The following TATDN2 variants were observed in gnomAD, a reference collection of about 807,000 sequenced individuals.
TATDN2 encodes the protein 3'-5' RNA nuclease TATDN2.
Under a neutral mutation model 60.3 loss-of-function variants are expected in TATDN2, and 44 were observed. The ratio of observed to expected loss-of-function variants is 0.73; its 90% CI spans 0.57 to 0.94. The LOEUF (loss-of-function observed/expected upper bound fraction) is 0.94. Among genes scored for constraint, TATDN2 ranks in the 40% least tolerant of loss-of-function variants. The pLI is 0.00. For missense variants in TATDN2, 997 were observed against 948.0 expected (o/e 1.05, Z -0.68); for synonymous variants, 399 against 355.8 (o/e 1.12, Z -1.37).
At chr3:10,261,094 G>A (rs1698395308) in intron 3 of TATDN2, among the ~76,000 whole-genome samples, 1 of 152,182 alleles carries the variant, frequency 6.6e-6, no homozygotes, top group South Asian at 2.1e-4. Context: ...TTTGTTATCT[G>A]GGCATTCTGG....
intron 2 of TATDN2, among the ~76,000 whole-genome samples, chr3:10,257,132 AT>A (rs1309363132): frequency 6.8e-6 from 1 of 146,378 alleles, no homozygotes; most frequent in Non-Finnish European, 1.5e-5. Context: ...CCAAAAAAAA[AT>A]TAGCCAGGTG....
rs748472416 is a variant in TATDN2 at position 10,260,439 on chromosome 3, G to A, written c.717G>A (p.Arg239=). ...GPAKTAEGAA[R]SVTVTAAQKE... The stretch of plus-strand genomic sequence containing the variant: ...CCAAGACTGCAGAAGGAGCAGCCAG[G>A]AGTGTCACAGTCACTGCTGCTCAGA... Residue 239 remains arginine, a synonymous_variant, in exon 3 of 8, where the codon AGG becomes AGA. Transcript: ENST00000448281. The A allele has an allele frequency of 1.5e-5, 24 of 1,614,150 alleles. No individual in the cohort carries two copies. Among genetic ancestry groups the A allele is most frequent in the Non-Finnish European group, 2.0e-5 (24 of 1,179,994 alleles).
intron 3 of TATDN2, among the ~76,000 whole-genome samples, chr3:10,268,840 C>G (rs894619147): frequency 3.9e-5 from 6 of 152,200 alleles, no homozygotes; most frequent in Non-Finnish European, 1.5e-5. Context: ...AATTCCTGAT[C>G]TCGTGGCGCT....
rs1465029576 is a variant in TATDN2 at position 10,278,954 on chromosome 3, G to T, written c.2215G>T (p.Val739Phe). ...ALHTVREIAR[V>F]KDQPLSLTLA... is the part of the protein sequence containing the mutation. ...GCATACGGTCCGAGAGATTGCCAGAGTCAAAGATCAGCCACTCTCCCTCAC... is the reference window on the plus strand; with the variant it reads ...GCATACGGTCCGAGAGATTGCCAGATTCAAAGATCAGCCACTCTCCCTCAC... Residue 739 changes from valine to phenylalanine, a missense_variant, in exon 7 of 8, where the codon GTC (valine) becomes TTC (phenylalanine). Transcript: ENST00000448281. This position sits in a 1 kb window ranked among gnomAD's most constrained non-coding sequence, Gnocchi z 4.7. 6.2e-7 allele frequency: 1 copy of T among 1,614,066 alleles called. No individual in the cohort carries two copies. Among genetic ancestry groups the T allele is most frequent in the Non-Finnish European group, 8.5e-7 (1 of 1,179,994 alleles).
chr3:10,278,680 C>T lies in TATDN2; in HGVS notation c.2146-205C>T, dbSNP rs577271119. 6.0e-5 allele frequency: 59 copies of T among 984,422 alleles called. No homozygotes were observed. The African/African-American group carries it at 8.2e-4, about 14-fold the overall frequency. 61.0% of individuals were successfully genotyped at this position (984,422 alleles called of 1,614,324 possible). ...CTCTTCCAGGCAGTGCAAAGCCCTA[C>T]CCTGTAGAGGGTAGTCCAAGGAAGC... is the stretch of plus-strand genomic sequence containing the variant. On this transcript the variant is annotated intron_variant, in intron 6 of 7. Transcript: ENST00000448281. The surrounding 1 kb of genome is among the most constrained non-coding windows in gnomAD (Gnocchi z 4.7).
In TATDN2 at chr3:10,278,371, C is replaced by T. The variant is rs1698668711; in HGVS notation, c.2054C>T (p.Ser685Phe). 2 of 1,614,222 alleles carry T rather than the reference C, an allele frequency of 1.2e-6. No homozygotes were observed. The highest frequency in any genetic ancestry group is 1.3e-5 in the African/African-American group (1 of 75,062). The change falls in exon 6 of 8, where the codon TCC becomes TTC. Residue 685 changes from serine to phenylalanine, a missense_variant. Transcript: ENST00000448281. The surrounding 1 kb of genome is among the most constrained non-coding windows in gnomAD (Gnocchi z 4.7). ...SVGFTAVLTY[S>F]SAWEAREALR... ...GGCTTCACGGCAGTGCTGACATACT[C>T]CTCTGCCTGGGAGGCCCGGGAAGCC...
At chr3:10,262,946 G>T (rs1698427529) in intron 3 of TATDN2, among the ~76,000 whole-genome samples, 1 of 151,914 alleles carries the variant, frequency 6.6e-6, no homozygotes, top group Non-Finnish European at 1.5e-5. Context: ...TGTCACCCAG[G>T]TTGGAGTCCA....
intron 1 of TATDN2, 29 bp downstream of exon 1, chr3:10,249,096 C>T (rs1029623274): frequency 4.3e-6 from 6 of 1,402,902 alleles, no homozygotes; most frequent in South Asian, 1.5e-5. Context: ...TGGCTCTGCC[C>T]TTATGTCTTG....
chr3:10,265,181 A>G (rs536070026), intron 3 of TATDN2, among the ~76,000 whole-genome samples: 235 of 149,654 alleles, frequency 1.6e-3, no homozygotes, highest in African/African-American at 5.3e-3. Context: ...GGTTCAAGCA[A>G]TTCTCCTGTT....
intron 2 of TATDN2, among the ~76,000 whole-genome samples, chr3:10,254,642 C>T (rs1698278206): frequency 6.6e-6 from 1 of 152,136 alleles, no homozygotes; most frequent in Non-Finnish European, 1.5e-5. Flanking sequence ...TTTAGAGCTC[C>T]TCTGGCACGC....
chr3:10,266,153 A>G (rs1698472130), intron 3 of TATDN2, among the ~76,000 whole-genome samples: 3 of 152,206 alleles, frequency 2.0e-5, no homozygotes, highest in Non-Finnish European at 4.4e-5. Flanking sequence ...CTTTTCGGAT[A>G]TATTTCCTGT....
Position 10,279,312 on chromosome 3 carries a change from C to G in TATDN2, c.*130C>G. On this transcript the variant is annotated 3_prime_UTR_variant, in exon 8 of 8. Coordinates refer to ENST00000448281, the MANE Select transcript of TATDN2 (RefSeq NM_014760.4). ...AGAGAGCTGATTGGAACACAGAAAA[C>G]CAGGACAGGATGTTTTCCTCCAAGC... 3.5e-6 allele frequency: 1 copy of G among 286,906 alleles called. No homozygotes were observed. Among genetic ancestry groups the G allele is most frequent in the South Asian group, 4.7e-5 (1 of 21,192 alleles). 17.8% of individuals were successfully genotyped at this position (286,906 alleles called of 1,614,324 possible). A position where few individuals can be genotyped will look rare whatever the true frequency, so the allele number is the denominator to read the frequency against.
rs1350549629 is a variant in TATDN2, at chr3:10,279,047, G to A, written c.*22G>A. On this transcript the variant is annotated 3_prime_UTR_variant, in exon 7 of 8. Transcript: ENST00000448281. ...TTAAGCAGAGAAGGTACAGTCCTCG[G>A]GAGTCTCCTAGAAAAGGTCGTAAAA... is the stretch of plus-strand genomic sequence containing the variant. The A allele has an allele frequency of 2.5e-6, 4 of 1,609,730 alleles. No individual in the cohort carries two copies. The highest frequency in any genetic ancestry group is 2.5e-6 in the Non-Finnish European group (3 of 1,178,430).
At chr3:10,252,855 A>ATTTT (rs373138121) in intron 2 of TATDN2, among the ~76,000 whole-genome samples, 1 of 112,036 alleles carries the variant, frequency 8.9e-6, no homozygotes, top group Non-Finnish European at 1.8e-5. Flanking sequence ...TGCCTGGCTA[A>ATTTT]TTTTTTTTTT....
Position 10,270,404 on chromosome 3 carries a change from G to T in TATDN2, c.1222G>T (p.Val408Phe), listed in dbSNP as rs748161096. The change falls in exon 4 of 8, where the codon GTT (valine) becomes TTT (phenylalanine). Residue 408 changes from valine (V) to phenylalanine (F), a missense_variant. Coordinates refer to ENST00000448281, the MANE Select transcript of TATDN2 (RefSeq NM_014760.4). ...TGSSSNDAAQ[V>F]GKSSRSRMSD... ...CAGCAGCAGCAACGATGCAGCCCAG[G>T]TTGGGAAGAGCAGCCGGAGCCGCAT... The T allele has an allele frequency of 5.6e-6, 9 of 1,614,100 alleles. No homozygotes were observed. Among genetic ancestry groups the T allele is most frequent in the Middle Eastern group, 1.6e-4 (1 of 6,084 alleles).
In TATDN2 at chr3:10,271,797, ACCTCCG is replaced by A. The variant is rs143132221; in HGVS notation, c.1833+800_1833+805del. Among the ~76,000 whole-genome samples, 819 of 148,928 alleles carry A rather than the reference ACCTCCG, an allele frequency of 5.5e-3. 12 individuals carry two copies. Among genetic ancestry groups the A allele is most frequent in the South Asian group, 0.044 (209 of 4,700 alleles). On this transcript the variant is annotated intron_variant, in intron 4 of 7. Coordinates refer to ENST00000448281, the MANE Select transcript of TATDN2 (RefSeq NM_014760.4). ...ACGATCTCGGCTCACTGCGGCCTCC[ACCTCCG>A]CCTCCGCCTCCGCCTCCTGGGTTCA...
intron 2 of TATDN2, among the ~76,000 whole-genome samples, chr3:10,250,627 G>A (rs1479432792): frequency 1.3e-5 from 2 of 152,216 alleles, no homozygotes; most frequent in Non-Finnish European, 2.9e-5. Context: ...GTATTTGACT[G>A]TTTGTCTTGG....
At position 10,278,119 on chromosome 3, in the gene TATDN2, G is replaced by A. The variant is rs1042036665; in HGVS notation, c.1962-160G>A. 6.6e-6 allele frequency among the ~76,000 whole-genome samples: 1 copy of A among 152,034 alleles called. No individual in the cohort carries two copies. The highest frequency in any genetic ancestry group is 2.4e-5 in the African/African-American group (1 of 41,404). ...CAAGTGCCATCTCGGGGCTTCCTGT[G>A]TTGGAGCCAGCCCTTGTCTGTGTTT... On this transcript the variant is annotated intron_variant, in intron 5 of 7. Coordinates refer to ENST00000448281, the MANE Select transcript of TATDN2 (RefSeq NM_014760.4). This position sits in a 1 kb window ranked among gnomAD's most constrained non-coding sequence, Gnocchi z 4.7.
chr3:10,249,174 C>T lies in TATDN2; in HGVS notation c.-6-21C>T, dbSNP rs1366213163. On this transcript the variant is annotated intron_variant, in intron 1 of 7. Coordinates refer to ENST00000448281, the MANE Select transcript of TATDN2 (RefSeq NM_014760.4). The stretch of plus-strand genomic sequence containing the variant: ...CGCCAGGAAGGGTGGTGTTGGAATC[C>T]AGGCCCCCTGTACCTTGCAGGTGCC... 4 of 1,487,458 alleles carry T rather than the reference C, an allele frequency of 2.7e-6. No homozygotes were observed. The East Asian group carries it at 7.4e-5, about 27-fold the overall frequency. The allele number at this position is 1,487,458 out of a possible 1,614,324, so 92.1% of individuals were successfully genotyped here. A position where few individuals can be genotyped will look rare whatever the true frequency, so the allele number is the denominator to read the frequency against.
Sources: gnomAD v4.1 joint callset for allele counts (sites outside exome capture counted in the v4.1 genomes callset) on GRCh38, gnomAD v4.1.1 for gene constraint, Gnocchi (gnomAD v3.1) non-coding constraint, MANE v1.5 for transcripts, NCBI Gene and HGNC (gene_info 2026-07-23, HGNC 2026-07-21) for gene names.